KCNH7: variants seen among roughly 807,000 people sequenced by gnomAD.
KCNH7 encodes the protein potassium voltage-gated channel subfamily H member 7.
Under a neutral mutation model 120.8 loss-of-function variants are expected in KCNH7, and 49 were observed. The ratio of observed to expected loss-of-function variants is 0.41; its 90% CI spans 0.32 to 0.51. The LOEUF (loss-of-function observed/expected upper bound fraction) is 0.51. Ranked by LOEUF, KCNH7 falls within the 20% of genes least tolerant of loss-of-function variation. KCNH7 has a pLI of 0.38. For missense variants in KCNH7, 1,097 were observed against 1,446.6 expected, an observed-to-expected ratio of 0.76 and a Z score of 3.92; for synonymous variants, 547 against 516.1, an observed-to-expected ratio of 1.06 and a Z score of -0.81.
At chr2:162,444,046 G>C (rs560863152) in intron 7 of KCNH7, among the ~76,000 whole-genome samples, 2 of 152,286 alleles carry the variant, frequency 1.3e-5, no homozygotes, top group Admixed American at 6.5e-5. Context: ...CTGGCCTTTT[G>C]TAATTTCCAA....
intron 2 of KCNH7, among the ~76,000 whole-genome samples, chr2:162,553,737 G>A (rs1000634509): frequency 7.2e-5 from 11 of 152,262 alleles, no homozygotes; most frequent in African/African-American, 1.4e-4. Flanking sequence ...AAAGGTTTGC[G>A]GAAAATATGG....
chr2:162,759,110 T>C (rs760977459), intron 2 of KCNH7, among the ~76,000 whole-genome samples: 15 of 152,132 alleles, frequency 9.9e-5, no homozygotes, highest in Non-Finnish European at 2.1e-4. Flanking sequence ...GGGTTTCTTT[T>C]ACCTCCAGGA....
intron 10 of KCNH7, among the ~76,000 whole-genome samples, chr2:162,398,911 T>TA (rs942663609): frequency 7.3e-5 from 11 of 151,182 alleles, no homozygotes; most frequent in South Asian, 2.1e-4. Flanking sequence ...TTGGGAAATG[T>TA]AAAAAAAAAC....
intron 2 of KCNH7, among the ~76,000 whole-genome samples, chr2:162,602,375 G>A (rs1175181404): frequency 6.6e-6 from 1 of 152,098 alleles, no homozygotes; most frequent in Non-Finnish European, 1.5e-5. Context: ...ATTCCACCAA[G>A]GTTAGAGATC....
chr2:162,404,704 G>T (rs889704402), intron 9 of KCNH7, among the ~76,000 whole-genome samples: 2 of 151,956 alleles, frequency 1.3e-5, no homozygotes, highest in Non-Finnish European at 2.9e-5. Flanking sequence ...CACCATGCTT[G>T]TACAGCCTGC....
Position 162,838,340 on chromosome 2 carries a change from A to G in KCNH7, c.76+103T>C, listed in dbSNP as rs974208364. ...CTCGGTTTCACAGCCTCTTAAGTTGACAGAGCCTGGAGTTGCCGGTCTCCC... is the reference window on the plus strand; with the variant it reads ...CTCGGTTTCACAGCCTCTTAAGTTGGCAGAGCCTGGAGTTGCCGGTCTCCC... On this transcript the variant is annotated intron_variant, in intron 1 of 15. Coordinates refer to ENST00000332142, the MANE Select transcript of KCNH7 (RefSeq NM_033272.4). The G allele has an allele frequency of 3.9e-5, 35 of 897,570 alleles. No homozygotes were observed. In the African/African-American group the frequency reaches 4.9e-4, roughly 13 times the overall value. 55.6% of individuals were successfully genotyped at this position (897,570 alleles called of 1,614,324 possible). A position where few individuals can be genotyped will look rare whatever the true frequency, so the allele number is the denominator to read the frequency against.
chr2:162,579,402 G>T (rs1404310207), intron 2 of KCNH7, among the ~76,000 whole-genome samples: 1 of 152,074 alleles, frequency 6.6e-6, no homozygotes, highest in Non-Finnish European at 1.5e-5. Context: ...TGATGGAAGT[G>T]TATGGAAAGA....
intron 8 of KCNH7, among the ~76,000 whole-genome samples, chr2:162,432,326 T>C (rs1276922327): frequency 6.6e-6 from 1 of 152,018 alleles, no homozygotes; most frequent in Admixed American, 6.6e-5. Flanking sequence ...AGCCTAGACT[T>C]GGACTGAATT....
intron 9 of KCNH7, among the ~76,000 whole-genome samples, chr2:162,416,862 TA>T (rs1687555829): frequency 6.6e-6 from 1 of 152,128 alleles, no homozygotes; most frequent in Admixed American, 6.6e-5. Context: ...AGATGCAAAG[TA>T]AAGGAGATTT....
chr2:162,696,085 G>A (rs1033922221), intron 2 of KCNH7, among the ~76,000 whole-genome samples: 3 of 152,106 alleles, frequency 2.0e-5, no homozygotes, highest in African/African-American at 7.2e-5. Flanking sequence ...GACTAACGAA[G>A]GTGTAGAAAT....
intron 2 of KCNH7, among the ~76,000 whole-genome samples, chr2:162,713,642 T>G (rs761109182): frequency 2.2e-4 from 33 of 152,160 alleles, no homozygotes; most frequent in Non-Finnish European, 4.1e-4. Context: ...CGATAAAAAA[T>G]TATTTAATTT....
At chr2:162,537,990 T>C (rs1274957203) in intron 2 of KCNH7, 1 of 152,138 alleles carries the variant, frequency 6.6e-6, no homozygotes, top group Non-Finnish European at 1.5e-5. Context: ...ACCCTCTGAA[T>C]ATGCTCTTTA....
intron 2 of KCNH7, among the ~76,000 whole-genome samples, chr2:162,752,990 AAAGAAAAGAAAAGAAAAGAAAAGAAAAG>A (rs1688646582): frequency 1.5e-5 from 2 of 136,722 alleles, no homozygotes; most frequent in Admixed American, 1.4e-4. Flanking sequence ...AAAGAAAAGA[AAAGAAAAGAAAAGAAAAGAAAAGAAAAG>A]AAAAGAAAAG....
At chr2:162,583,828 G>A (rs1040378416) in intron 2 of KCNH7, among the ~76,000 whole-genome samples, 4 of 152,074 alleles carry the variant, frequency 2.6e-5, no homozygotes, top group Admixed American at 1.3e-4. Flanking sequence ...CCTTAAAAGA[G>A]CAAACAGGGC....
At chr2:162,533,331 T>C (rs1424064409) in intron 3 of KCNH7, among the ~76,000 whole-genome samples, 1 of 151,790 alleles carries the variant, frequency 6.6e-6, no homozygotes, top group Non-Finnish European at 1.5e-5. Context: ...CGTCAATAAA[T>C]GTAAATACCT....
intron 2 of KCNH7, among the ~76,000 whole-genome samples, chr2:162,624,889 GTTTTTTTTTTTTTT>G (rs66562676): frequency 4.3e-5 from 3 of 69,714 alleles, no homozygotes; most frequent in Non-Finnish European, 7.3e-5. Flanking sequence ...TGCACTCTTG[GTTTTTTTTTTTTTT>G]TTTTTTTTTT....
intron 5 of KCNH7, among the ~76,000 whole-genome samples, chr2:162,509,067 G>A (rs1272025722): frequency 6.6e-6 from 1 of 151,488 alleles, no homozygotes; most frequent in African/African-American, 2.4e-5. Context: ...CAGCTGGAGA[G>A]TGCTTTAATA....
rs538744321 is a variant in KCNH7, at chr2:162,398,415, A to G, written c.2408-1470T>C. 1.4e-4 allele frequency among the ~76,000 whole-genome samples: 21 copies of G among 152,076 alleles called. 1 individual carries two copies. The Middle Eastern group carries it at 0.024, about 172-fold the overall frequency. Reference sequence around the variant, plus strand: ...AGAAAGGATACATTAACCACAGTTTAAATAAATATGTATCAGCCTTCCAAA... The same window carrying G: ...AGAAAGGATACATTAACCACAGTTTGAATAAATATGTATCAGCCTTCCAAA... On this transcript the variant is annotated intron_variant, in intron 10 of 15. Coordinates refer to ENST00000332142, the MANE Select transcript of KCNH7 (RefSeq NM_033272.4).
At chr2:162,383,022 A>C in intron 13 of KCNH7, among the ~76,000 whole-genome samples, 1 of 152,006 alleles carries the variant, frequency 6.6e-6, no homozygotes, top group East Asian at 1.9e-4. Flanking sequence ...TTTTGTGTTT[A>C]TGGAAAAGCT....
Sources: gnomAD v4.1 joint callset for allele counts (sites outside exome capture counted in the v4.1 genomes callset) on GRCh38, gnomAD v4.1.1 for gene constraint, MANE v1.5 for transcripts, NCBI Gene and HGNC (gene_info 2026-07-23, HGNC 2026-07-21) for gene names.